Variants in ROBO2 observed in about 807,000 individuals in gnomAD.
The protein encoded by ROBO2 is roundabout homolog 2.
A neutral mutation model predicts 160.8 loss-of-function variants in ROBO2; 53 were observed. The ratio of observed to expected loss-of-function variants is 0.33; its 90% confidence interval spans 0.26 to 0.41. The LOEUF is 0.41. Ranked by LOEUF, ROBO2 falls within the 10% of genes least tolerant of loss-of-function variation. The pLI, the probability that ROBO2 is intolerant of heterozygous loss-of-function variation, is 1.00. For synonymous variants in ROBO2, 664 were observed against 611.7 expected, an observed-to-expected ratio of 1.09 and a Z score of -1.26; for missense variants, 1,577 against 1,722.4, an observed-to-expected ratio of 0.92 and a Z score of 1.49.
intron 2 of ROBO2, among the ~76,000 whole-genome samples, chr3:76,560,552 A>C (rs1037921895): frequency 2.0e-5 from 3 of 151,150 alleles, no homozygotes; most frequent in Admixed American, 2.0e-4. Flanking sequence ...TATTATTATC[A>C]TCATTATCAT....
At chr3:76,026,295 T>G (rs966266017) in intron 2 of ROBO2, among the ~76,000 whole-genome samples, 1 of 151,950 alleles carries the variant, frequency 6.6e-6, no homozygotes, top group Non-Finnish European at 1.5e-5. Context: ...TGCAAGGCAT[T>G]GAAAATATAA....
chr3:77,264,169 G>T (rs1441857113), intron 2 of ROBO2, among the ~76,000 whole-genome samples: 1 of 151,948 alleles, frequency 6.6e-6, no homozygotes, highest in Non-Finnish European at 1.5e-5. Flanking sequence ...TTAACAAATG[G>T]AAAAAACAGC....
chr3:76,174,068 C>A (rs143416794), intron 2 of ROBO2, among the ~76,000 whole-genome samples: 1 of 151,996 alleles, frequency 6.6e-6, no homozygotes, highest in South Asian at 2.1e-4. Context: ...ACTGGCATGA[C>A]GTGGTATCTC....
intron 2 of ROBO2, among the ~76,000 whole-genome samples, chr3:76,747,188 G>C (rs2108153123): frequency 6.6e-6 from 1 of 152,102 alleles, no homozygotes; most frequent in Non-Finnish European, 1.5e-5. Context: ...ATGTCTGCTT[G>C]TTTTTACCCA....
chr3:76,885,950 G>A (rs939957307), intron 2 of ROBO2, among the ~76,000 whole-genome samples: 4 of 152,146 alleles, frequency 2.6e-5, no homozygotes, highest in African/African-American at 7.2e-5. Context: ...AGCGGGGGAG[G>A]GCAGGTTCAT....
At chr3:77,017,582 A>G (rs115449687) in intron 2 of ROBO2, among the ~76,000 whole-genome samples, 2,174 of 152,284 alleles carry the variant, frequency 0.014, 46 homozygotes, top group African/African-American at 0.048. Context: ...ACAAGAAAAG[A>G]CTTCTAGGGC....
chr3:76,953,293 G>A (rs2079063111), intron 2 of ROBO2, among the ~76,000 whole-genome samples: 1 of 152,072 alleles, frequency 6.6e-6, no homozygotes, highest in African/African-American at 2.4e-5. Flanking sequence ...AATTAAGAAA[G>A]ATTTACGTAA....
At chr3:77,386,461 A>G (rs1053710274) in intron 2 of ROBO2, among the ~76,000 whole-genome samples, 4 of 152,200 alleles carry the variant, frequency 2.6e-5, no homozygotes, top group African/African-American at 4.8e-5. Context: ...TGAAAATTAA[A>G]TTATAGAAAC....
At chr3:77,585,732 T>C (rs1213821101) in intron 16 of ROBO2, among the ~76,000 whole-genome samples, 1 of 152,116 alleles carries the variant, frequency 6.6e-6, no homozygotes, top group Non-Finnish European at 1.5e-5. Flanking sequence ...TAATTGTTTC[T>C]TTAATTACTC....
At chr3:76,416,327 A>G (rs2075756039) in intron 2 of ROBO2, among the ~76,000 whole-genome samples, 2 of 152,088 alleles carry the variant, frequency 1.3e-5, no homozygotes, top group Non-Finnish European at 2.9e-5. Context: ...TTTCAATTCC[A>G]TCTTCCATTT....
rs543784901 is a variant in ROBO2, at chr3:77,275,945, G to A, written c.388+177605G>A. ...AAGCTGTTAAAGGAAACTGGAACCC[G>A]CTTTTTCTCAGTGATGACATCCAAT... On this transcript the variant is annotated intron_variant, in intron 2 of 25. Coordinates refer to ENST00000461745, the Ensembl canonical transcript of ROBO2. 1.4e-4 allele frequency among the ~76,000 whole-genome samples: 22 copies of A among 152,188 alleles called. No individual in the cohort carries two copies. In the East Asian group the frequency reaches 2.7e-3, roughly 19 times the overall value.
intron 2 of ROBO2, among the ~76,000 whole-genome samples, chr3:77,130,770 T>C (rs1183576054): frequency 6.6e-6 from 1 of 152,172 alleles, no homozygotes; most frequent in African/African-American, 2.4e-5. Flanking sequence ...TCTGTGTGTG[T>C]GCATAAAGGT....
chr3:76,930,899 C>T (rs977916701), intron 2 of ROBO2, among the ~76,000 whole-genome samples: 1 of 152,226 alleles, frequency 6.6e-6, no homozygotes, highest in African/African-American at 2.4e-5. Flanking sequence ...TCCAGAAGCA[C>T]TCTCACAGAC....
chr3:76,086,438 C>T (rs562890336), intron 2 of ROBO2, among the ~76,000 whole-genome samples: 12 of 152,214 alleles, frequency 7.9e-5, no homozygotes, highest in African/African-American at 2.9e-4. Flanking sequence ...TATCACCCAA[C>T]TTCAGCCACT....
chr3:76,854,019 TCTCTCTC>T (rs2069723443), intron 2 of ROBO2, among the ~76,000 whole-genome samples: 1 of 1,852 alleles, frequency 5.4e-4, no homozygotes, highest in Non-Finnish European at 1.2e-3. Flanking sequence ...GCATAGACTT[TCTCTCTC>T]TCTCTCTCTC....
At chr3:76,431,558 C>G (rs1390347825) in intron 2 of ROBO2, among the ~76,000 whole-genome samples, 1 of 151,860 alleles carries the variant, frequency 6.6e-6, no homozygotes, top group Non-Finnish European at 1.5e-5. Context: ...CTTAGTAGGG[C>G]AAAATAATGT....
At chr3:76,376,199 G>C (rs1276798433) in intron 2 of ROBO2, among the ~76,000 whole-genome samples, 1 of 152,004 alleles carries the variant, frequency 6.6e-6, no homozygotes, top group Non-Finnish European at 1.5e-5. Context: ...ATTGTTCCAA[G>C]CTAGTAACAC....
intron 2 of ROBO2, among the ~76,000 whole-genome samples, chr3:76,073,246 AAACTTCTCAG>A (rs896864308): frequency 1.4e-5 from 2 of 143,748 alleles, no homozygotes; most frequent in African/African-American, 5.2e-5. Flanking sequence ...ACTGATTTGT[AAACTTCTCAG>A]AATGAGTATT....
At chr3:76,272,842 A>ATATATAAAATATATAAAATATATAT (rs1707583608) in intron 2 of ROBO2, among the ~76,000 whole-genome samples, 1 of 16,332 alleles carries the variant, frequency 6.1e-5, no homozygotes, top group Non-Finnish European at 9.5e-5. Flanking sequence ...TATATATATT[A>ATATATAAAATATATAAAATATATAT]TATATTATAT....
Sources: gnomAD v4.1 joint callset for allele counts (sites outside exome capture counted in the v4.1 genomes callset) on GRCh38, gnomAD v4.1.1 for gene constraint, MANE v1.5 for transcripts, NCBI Gene and HGNC (gene_info 2026-07-23, HGNC 2026-07-21) for gene names.